Variants in PTPRA observed in about 807,000 individuals in gnomAD.
The protein encoded by PTPRA is receptor-type tyrosine-protein phosphatase alpha.
Under a neutral mutation model 104.8 loss-of-function variants are expected in PTPRA, and 25 were observed. The ratio of observed to expected loss-of-function variants is 0.24; its 90% CI spans 0.17 to 0.33. The LOEUF (loss-of-function observed/expected upper bound fraction) is 0.33. Among genes scored for constraint, PTPRA ranks in the 10% least tolerant of loss-of-function variants. PTPRA has a pLI of 1.00. For missense variants in PTPRA, 765 were observed against 1,015.3 expected (o/e 0.75, Z 3.35); for synonymous variants, 323 against 368.9 (o/e 0.88, Z 1.43).
rs1248764858 is a variant in PTPRA, at chr20:3,018,939, C to T, written c.1041+1026C>T. Among the ~76,000 whole-genome samples, 6 of 128,528 alleles carry T rather than the reference C, an allele frequency of 4.7e-5. No homozygotes were observed. The South Asian group carries it at 1.2e-3, about 25-fold the overall frequency. The allele number at this position is 128,528 out of a possible 152,430, so 84.3% of individuals were successfully genotyped here. A position where few individuals can be genotyped will look rare whatever the true frequency, so the allele number is the denominator to read the frequency against. On this transcript the variant is annotated intron_variant, in intron 13 of 23. Transcript: ENST00000399903. The stretch of plus-strand genomic sequence containing the variant: ...CCCAGTAGGGGCGGCCGGGCAGAGG[C>T]GCCCCTCACCTCCCGGACGGGGCGG...
intron 9 of PTPRA, among the ~76,000 whole-genome samples, chr20:3,002,684 A>T (rs147145252): frequency 5.9e-4 from 90 of 152,294 alleles, no homozygotes; most frequent in Non-Finnish European, 1.1e-3. Flanking sequence ...TCCTTGTATC[A>T]TCATTTTTCC....
At chr20:2,912,930 G>A (rs949500683) in intron 1 of PTPRA, among the ~76,000 whole-genome samples, 3 of 152,178 alleles carry the variant, frequency 2.0e-5, no homozygotes, top group Non-Finnish European at 4.4e-5. Context: ...TGGGACATTA[G>A]TGTGCACTTT....
chr20:3,023,512 G>C (rs992689818), intron 16 of PTPRA, among the ~76,000 whole-genome samples: 4 of 152,224 alleles, frequency 2.6e-5, no homozygotes, highest in African/African-American at 9.7e-5. Context: ...TATGCTGGCG[G>C]CAATACTGCT....
rs148258557 is a variant in PTPRA, at chr20:2,982,467, G to C, written c.443-4298G>C. ...ATTTTTTTTTGTTCTTTGGCTCAAC[G>C]TAATCCATTGTTTGTTTTGTGCCTG... On this transcript the variant is annotated intron_variant, in intron 6 of 23. Transcript: ENST00000399903. 3.0e-4 allele frequency among the ~76,000 whole-genome samples: 46 copies of C among 152,120 alleles called. No homozygotes were observed. In the East Asian group the frequency reaches 8.3e-3, roughly 27 times the overall value.
chr20:2,968,507 T>TTTTTTTTTTTTTTTTTG (rs759599927), intron 5 of PTPRA, among the ~76,000 whole-genome samples: 1 of 145,184 alleles, frequency 6.9e-6, no homozygotes. Flanking sequence ...CTTTTTTTTT[T>TTTTTTTTTTTTTTTTTG]TTCTCAAATT....
chr20:2,985,181 T>G (rs1034805252), intron 6 of PTPRA, among the ~76,000 whole-genome samples: 1 of 152,242 alleles, frequency 6.6e-6, no homozygotes, highest in East Asian at 1.9e-4. Flanking sequence ...CCTGTTGGAT[T>G]TGGCAATATG....
Position 3,022,768 on chromosome 20 carries a change from G to C in PTPRA, c.1408G>C (p.Val470Leu), listed in dbSNP as rs200587047. 4.5e-5 allele frequency: 73 copies of C among 1,614,190 alleles called. No individual in the cohort carries two copies. Among genetic ancestry groups the C allele is most frequent in the Non-Finnish European group, 5.8e-5 (68 of 1,180,032 alleles). ...DMMHTERKVDVYGFVSRIRAQ... is the reference protein window; with the variant it reads ...DMMHTERKVDLYGFVSRIRAQ... Reference sequence around the variant, plus strand: ...GATGCATACAGAACGGAAGGTGGACGTGTATGGCTTTGTGAGCCGGATCCG... The same window carrying C: ...GATGCATACAGAACGGAAGGTGGACCTGTATGGCTTTGTGAGCCGGATCCG... The change falls in exon 16 of 24, where the codon GTG (valine) becomes CTG (leucine). Residue 470 changes from valine to leucine, a missense_variant. By Grantham distance (32) the Val-to-Leu change is conservative (BLOSUM62 1). Transcript: ENST00000399903. This position sits in a 1 kb window ranked among gnomAD's most constrained non-coding sequence, Gnocchi z 4.6.
chr20:2,902,954 CT>C (rs1254695057), intron 1 of PTPRA, among the ~76,000 whole-genome samples: 1 of 152,080 alleles, frequency 6.6e-6, no homozygotes, highest in African/African-American at 2.4e-5. Context: ...CAAATCCCAT[CT>C]CTGCTACTTT....
At chr20:2,922,121 A>G (rs1280548392) in intron 1 of PTPRA, among the ~76,000 whole-genome samples, 4 of 152,026 alleles carry the variant, frequency 2.6e-5, no homozygotes, top group African/African-American at 9.7e-5. Flanking sequence ...TATATAAACA[A>G]CCCTATGGTG....
intron 6 of PTPRA, among the ~76,000 whole-genome samples, chr20:2,979,625 C>T (rs1030377704): frequency 6.6e-6 from 1 of 152,210 alleles, no homozygotes; most frequent in Non-Finnish European, 1.5e-5. Context: ...CTCTGGGACT[C>T]AAGCGATCCT....
intron 1 of PTPRA, among the ~76,000 whole-genome samples, chr20:2,888,292 G>T (rs1288823072): frequency 6.6e-6 from 1 of 152,282 alleles, no homozygotes; most frequent in East Asian, 1.9e-4. Flanking sequence ...AGGTGTGGTG[G>T]CTCACACCTG....
At chr20:2,996,224 G>A (rs2148216869) in intron 9 of PTPRA, among the ~76,000 whole-genome samples, 1 of 152,352 alleles carries the variant, frequency 6.6e-6, no homozygotes, top group Admixed American at 6.5e-5. Context: ...GTAAGTTGGA[G>A]TACCAAGTCT....
chr20:2,984,247 C>T (rs2062810427), intron 6 of PTPRA, among the ~76,000 whole-genome samples: 1 of 152,164 alleles, frequency 6.6e-6, no homozygotes, highest in African/African-American at 2.4e-5. Context: ...TCACATCTCC[C>T]TCCATCTGTC....
intron 1 of PTPRA, among the ~76,000 whole-genome samples, chr20:2,910,580 T>TTC (rs1322180715): frequency 0.048 from 3,738 of 78,000 alleles, 274 homozygotes; most frequent in East Asian, 0.15. Flanking sequence ...CCCAGCTAGT[T>TTC]TTTTTTTTGT....
intron 2 of PTPRA, among the ~76,000 whole-genome samples, chr20:2,930,196 A>G (rs1304349630): frequency 6.6e-6 from 1 of 152,228 alleles, no homozygotes; most frequent in Non-Finnish European, 1.5e-5. Flanking sequence ...ATTATTATGC[A>G]TTTCGTTGTA....
chr20:2,927,911 GAGGC>G (rs1427097529), intron 2 of PTPRA, among the ~76,000 whole-genome samples: 2 of 152,034 alleles, frequency 1.3e-5, no homozygotes, highest in Non-Finnish European at 2.9e-5. Flanking sequence ...TCGGGAGGCT[GAGGC>G]AGGAGAATTG....
At chr20:3,004,994 C>T in intron 9 of PTPRA, 62 bp from the exon 10 acceptor site, 1 of 1,421,596 alleles carries the variant, frequency 7.0e-7, no homozygotes. Context: ...TTTGGTGCAG[C>T]AGTTTGCATG....
chr20:3,013,322 CAG>C (rs1429837964), intron 11 of PTPRA, among the ~76,000 whole-genome samples: 1 of 152,136 alleles, frequency 6.6e-6, no homozygotes, highest in Admixed American at 6.5e-5. Flanking sequence ...GGAGATGAAA[CAG>C]AGGCAGTGGC....
At chr20:3,023,404 C>T (rs929824861) in intron 16 of PTPRA, among the ~76,000 whole-genome samples, 1 of 152,172 alleles carries the variant, frequency 6.6e-6, no homozygotes, top group Non-Finnish European at 1.5e-5. Flanking sequence ...GCATCTGTCT[C>T]CTGCTCGTCC....
Sources: allele counts gnomAD v4.1 joint callset (sites outside exome capture counted in the v4.1 genomes callset), GRCh38; gene constraint gnomAD v4.1.1; non-coding constraint Gnocchi (gnomAD v3.1); transcripts MANE v1.5; gene names NCBI Gene and HGNC (gene_info 2026-07-23, HGNC 2026-07-21).